The following DPP10 variants were observed in gnomAD, a reference collection of about 807,000 sequenced individuals.
DPP10 encodes inactive dipeptidyl peptidase 10.
DPP10 carries 33 observed loss-of-function variants against 120.9 expected under a neutral mutation model. The ratio of observed to expected loss-of-function variants is 0.27; its 90% CI spans 0.21 to 0.37. The LOEUF is 0.37. Among genes scored for constraint, DPP10 ranks in the 10% least tolerant of loss-of-function variants. DPP10 has a pLI of 1.00. For missense variants in DPP10, 816 were observed against 942.8 expected, an observed-to-expected ratio of 0.87 and a Z score of 1.76; for synonymous variants, 337 against 326.1, an observed-to-expected ratio of 1.03 and a Z score of -0.36.
At chr2:114,945,704 T>G (rs1217134933) in intron 1 of DPP10, among the ~76,000 whole-genome samples, 1 of 152,080 alleles carries the variant, frequency 6.6e-6, no homozygotes, top group East Asian at 1.9e-4. Flanking sequence ...TAATCCCAGC[T>G]ACTTGGGAGG....
intron 1 of DPP10, among the ~76,000 whole-genome samples, chr2:114,884,300 C>A (rs1691878576): frequency 6.6e-6 from 1 of 152,122 alleles, no homozygotes; most frequent in Non-Finnish European, 1.5e-5. Context: ...TCTTAAAGAG[C>A]ACACATTTAT....
At chr2:114,612,706 A>G (rs775799198) in intron 1 of DPP10, among the ~76,000 whole-genome samples, 23 of 152,212 alleles carry the variant, frequency 1.5e-4, no homozygotes, top group Non-Finnish European at 2.8e-4. Flanking sequence ...TTAGCAGTTC[A>G]TAGAAAAATC....
At chr2:115,740,594 G>A (rs1677132188) in intron 9 of DPP10, among the ~76,000 whole-genome samples, 1 of 152,088 alleles carries the variant, frequency 6.6e-6, no homozygotes, top group African/African-American at 2.4e-5. Flanking sequence ...AGGTAAGACA[G>A]ATGGAATTTT....
chr2:115,233,569 C>T (rs1365381095), intron 1 of DPP10, among the ~76,000 whole-genome samples: 1 of 152,060 alleles, frequency 6.6e-6, no homozygotes, highest in Non-Finnish European at 1.5e-5. Flanking sequence ...CCTGGTGGTT[C>T]TACTTTATAG....
chr2:115,056,909 G>A (rs1705966674), intron 1 of DPP10, among the ~76,000 whole-genome samples: 1 of 152,188 alleles, frequency 6.6e-6, no homozygotes, highest in Non-Finnish European at 1.5e-5. Flanking sequence ...AAATAGATTA[G>A]TTTTGTTTTA....
intron 21 of DPP10, among the ~76,000 whole-genome samples, chr2:115,816,027 A>T (rs1687190146): frequency 6.6e-6 from 1 of 151,944 alleles, no homozygotes; most frequent in Non-Finnish European, 1.5e-5. Flanking sequence ...ATTATCCTTT[A>T]AAAAATAACA....
intron 1 of DPP10, among the ~76,000 whole-genome samples, chr2:114,612,033 A>C (rs2105288353): frequency 6.6e-6 from 1 of 152,286 alleles, no homozygotes; most frequent in African/African-American, 2.4e-5. Flanking sequence ...TGTTTCTCTG[A>C]AGTTGCAACT....
chr2:115,624,105 C>T (rs1267483990), intron 5 of DPP10, among the ~76,000 whole-genome samples: 1 of 152,020 alleles, frequency 6.6e-6, no homozygotes, highest in East Asian at 1.9e-4. Flanking sequence ...TCCTGTCTTT[C>T]ATATTTGTCT....
At chr2:115,706,768 C>T (rs1296059492) in intron 7 of DPP10, among the ~76,000 whole-genome samples, 1 of 151,902 alleles carries the variant, frequency 6.6e-6, no homozygotes, top group Non-Finnish European at 1.5e-5. Context: ...TACATAACCC[C>T]TGAGGTTAAA....
chr2:115,426,677 A>G (rs2070496983), intron 3 of DPP10, among the ~76,000 whole-genome samples: 1 of 152,154 alleles, frequency 6.6e-6, no homozygotes, highest in Admixed American at 6.5e-5. Flanking sequence ...GATTTTCACC[A>G]GGTGCCACTT....
At chr2:114,574,192 G>A (rs1200261579) in intron 1 of DPP10, among the ~76,000 whole-genome samples, 1 of 152,160 alleles carries the variant, frequency 6.6e-6, no homozygotes, top group East Asian at 1.9e-4. Flanking sequence ...CGCCTCATGT[G>A]ACTAGACCCA....
chr2:114,664,146 T>A (rs1300664340), intron 1 of DPP10, among the ~76,000 whole-genome samples: 1 of 152,036 alleles, frequency 6.6e-6, no homozygotes, highest in Non-Finnish European at 1.5e-5. Context: ...ATTATTCATA[T>A]TTTTGCACTC....
At chr2:114,740,248 A>G (rs1421213323) in intron 1 of DPP10, among the ~76,000 whole-genome samples, 2 of 151,178 alleles carry the variant, frequency 1.3e-5, no homozygotes, top group Non-Finnish European at 2.9e-5. Flanking sequence ...TCAGTAAACT[A>G]TTGTAAGGAC....
chr2:114,518,804 A>G (rs1290154737), intron 1 of DPP10, among the ~76,000 whole-genome samples: 2 of 152,178 alleles, frequency 1.3e-5, no homozygotes, highest in African/African-American at 4.8e-5. Flanking sequence ...TTATCCAACT[A>G]CTGGTTTTAG....
intron 3 of DPP10, among the ~76,000 whole-genome samples, chr2:115,398,487 A>G (rs1395868144): frequency 1.3e-5 from 2 of 151,970 alleles, no homozygotes; most frequent in African/African-American, 4.8e-5. Context: ...CTTATTTAAG[A>G]CTTAGATATA....
chr2:115,798,429 A>G (rs894576947), intron 19 of DPP10, among the ~76,000 whole-genome samples: 11 of 152,080 alleles, frequency 7.2e-5, no homozygotes, highest in Non-Finnish European at 1.2e-4. Context: ...CATCAGAGGA[A>G]TACATCAATG....
intron 1 of DPP10, chr2:115,233,873 A>T (rs1032742060): frequency 2.0e-6 from 1 of 499,154 alleles, no homozygotes; most frequent in Admixed American, 2.1e-5. Context: ...CACATACCCC[A>T]TTTCTGCTCA....
At chr2:114,507,705 A>G (rs1429015892) in intron 1 of DPP10, among the ~76,000 whole-genome samples, 2 of 152,200 alleles carry the variant, frequency 1.3e-5, no homozygotes, top group African/African-American at 4.8e-5. Context: ...TTGGAATCTC[A>G]GCTGTACCAC....
In DPP10 at chr2:114,821,450, C is replaced by T. The variant is rs140225977; in HGVS notation, c.60+378612C>T. On this transcript the variant is annotated intron_variant, in intron 1 of 25. Transcript: ENST00000410059. Reference sequence around the variant, plus strand: ...TTCTAGACAAGAAGCATTTTTGCAGCTGCTTTAAAAGAAACGAAAACTTTT... The same window carrying T: ...TTCTAGACAAGAAGCATTTTTGCAGTTGCTTTAAAAGAAACGAAAACTTTT... 3.2e-3 allele frequency among the ~76,000 whole-genome samples: 493 copies of T among 152,288 alleles called. 3 individuals carry two copies. The highest frequency in any genetic ancestry group is 0.012 in the African/African-American group (479 of 41,576).
Sources: gnomAD v4.1 joint callset for allele counts (sites outside exome capture counted in the v4.1 genomes callset) on GRCh38, gnomAD v4.1.1 for gene constraint, MANE v1.5 for transcripts, NCBI Gene and HGNC (gene_info 2026-07-23, HGNC 2026-07-21) for gene names.